Variants in COL24A1 observed in about 807,000 individuals in gnomAD.
The protein encoded by COL24A1 is collagen type XXIV alpha 1 chain.
Under a neutral mutation model 253.9 loss-of-function variants are expected in COL24A1, and 224 were observed. That is an observed-to-expected ratio of 0.88 (90% CI 0.79 to 0.99). The LOEUF is 0.99. COL24A1 is among the 50% of genes least tolerant of loss of function. The pLI is 0.00. For missense variants in COL24A1, 2,131 were observed against 2,068.5 expected (o/e 1.03, Z -0.59); for synonymous variants, 685 against 673.7 (o/e 1.02, Z -0.26).
rs187335201 is a variant in COL24A1 at position 85,887,615 on chromosome 1, A to G, written c.2976+1945T>C. Among the ~76,000 whole-genome samples the G allele has an allele frequency of 2.0e-4, 30 of 152,278 alleles. No homozygotes were observed. In the East Asian group the frequency reaches 4.2e-3, roughly 22 times the overall value. ...AGGGAATCGTTGTGGCTGTGTTTCA[A>G]TAAAATTTGATTTACAGAAGTATAA... On this transcript the variant is annotated intron_variant, in intron 32 of 59. Coordinates refer to ENST00000370571, the MANE Select transcript of COL24A1 (RefSeq NM_152890.7).
At chr1:85,779,192 G>A (rs1218593188) in intron 52 of COL24A1, among the ~76,000 whole-genome samples, 1 of 151,504 alleles carries the variant, frequency 6.6e-6, no homozygotes, top group Admixed American at 6.6e-5. Flanking sequence ...TATATGATGG[G>A]GGTCTCACTA....
At chr1:86,122,152 T>A (rs926195916) in intron 3 of COL24A1, among the ~76,000 whole-genome samples, 2 of 151,044 alleles carry the variant, frequency 1.3e-5, no homozygotes, top group Non-Finnish European at 1.5e-5. Flanking sequence ...GACTTCTTCA[T>A]CAAAATATCC....
intron 4 of COL24A1, among the ~76,000 whole-genome samples, chr1:86,114,344 C>G (rs2102176649): frequency 6.6e-6 from 1 of 152,288 alleles, no homozygotes; most frequent in South Asian, 2.1e-4. Flanking sequence ...GATGGAGATT[C>G]TGAACCTGAA....
chr1:86,150,225 C>T (rs1384944121), intron 1 of COL24A1, among the ~76,000 whole-genome samples: 19 of 152,158 alleles, frequency 1.2e-4, no homozygotes, highest in Admixed American at 1.2e-3. Context: ...ATGAATCTTT[C>T]CCCCACCTCT....
At chr1:86,111,540 C>T (rs1390904935) in intron 5 of COL24A1, among the ~76,000 whole-genome samples, 2 of 152,084 alleles carry the variant, frequency 1.3e-5, no homozygotes, top group Non-Finnish European at 2.9e-5. Context: ...GCGATCAGCT[C>T]TCTGTAAAAT....
chr1:85,983,575 T>A (rs1693448012), intron 20 of COL24A1, among the ~76,000 whole-genome samples: 1 of 152,038 alleles, frequency 6.6e-6, no homozygotes, highest in East Asian at 1.9e-4. Flanking sequence ...ACAGTGCACA[T>A]GATTTTCTCG....
At chr1:85,945,019 T>TTTTTTTTTTTTTTG (rs1689180506) in intron 24 of COL24A1, among the ~76,000 whole-genome samples, 6 of 73,362 alleles carry the variant, frequency 8.2e-5, no homozygotes, top group Non-Finnish European at 1.1e-4. Flanking sequence ...TTTTTTTTTT[T>TTTTTTTTTTTTTTG]TTTTTTTTTT....
chr1:86,040,594 A>G (rs1235265614), intron 12 of COL24A1, among the ~76,000 whole-genome samples: 1 of 151,602 alleles, frequency 6.6e-6, no homozygotes, highest in African/African-American at 2.4e-5. Flanking sequence ...ACTTCCTCCA[A>G]ATTATAACAT....
intron 5 of COL24A1, among the ~76,000 whole-genome samples, chr1:86,093,201 A>C (rs1703633186): frequency 6.6e-6 from 1 of 152,060 alleles, no homozygotes; most frequent in Non-Finnish European, 1.5e-5. Flanking sequence ...GAAATACCAA[A>C]AGAAAAGTCC....
chr1:85,861,144 T>C (rs1386017380), intron 37 of COL24A1, among the ~76,000 whole-genome samples: 2 of 152,212 alleles, frequency 1.3e-5, no homozygotes, highest in Admixed American at 6.5e-5. Context: ...CCAATTTCTC[T>C]ATATCCTCAT....
At chr1:85,782,650 G>A (rs1669256006) in intron 51 of COL24A1, among the ~76,000 whole-genome samples, 1 of 152,118 alleles carries the variant, frequency 6.6e-6, no homozygotes, top group African/African-American at 2.4e-5. Context: ...TTAGGAAAGC[G>A]GTATAGGATT....
chr1:85,847,830 T>C, intron 38 of COL24A1, 58 bp from the exon 39 acceptor site: 1 of 1,065,710 alleles, frequency 9.4e-7, no homozygotes, highest in South Asian at 1.3e-5. Flanking sequence ...TTAGATTAAT[T>C]AACTATATCA....
rs550310226 is a variant in COL24A1, at chr1:85,938,286, A to G, written c.2562+22963T>C. On this transcript the variant is annotated intron_variant, in intron 24 of 59. Coordinates refer to ENST00000370571, the MANE Select transcript of COL24A1 (RefSeq NM_152890.7). ...GGACTCTGTGCTTTCCATTCCCACA[A>G]AATGTGAGCTCTGCAGACATGGAGG... is the stretch of plus-strand genomic sequence containing the variant. 1.4e-5 allele frequency among the ~76,000 whole-genome samples: 2 copies of G among 147,078 alleles called. 1 individual carries two copies. Among genetic ancestry groups the G allele is most frequent in the South Asian group, 4.9e-4 (2 of 4,062 alleles).
At chr1:85,791,910 A>G (rs1050148256) in intron 47 of COL24A1, among the ~76,000 whole-genome samples, 1 of 152,186 alleles carries the variant, frequency 6.6e-6, no homozygotes, top group Admixed American at 6.5e-5. Flanking sequence ...ATAAAACAGA[A>G]ACAGCTGAAA....
chr1:85,952,919 A>G (rs920375073), intron 24 of COL24A1, among the ~76,000 whole-genome samples: 3 of 152,124 alleles, frequency 2.0e-5, no homozygotes, highest in Non-Finnish European at 2.9e-5. Flanking sequence ...CAGAACCACA[A>G]TGATTTTTCA....
At chr1:86,127,387 A>G (rs953873972) in intron 2 of COL24A1, among the ~76,000 whole-genome samples, 1 of 152,114 alleles carries the variant, frequency 6.6e-6, no homozygotes, top group African/African-American at 2.4e-5. Context: ...AAAACTGGAT[A>G]TGTCTGATTC....
At chr1:85,940,875 G>A (rs1241558620) in intron 24 of COL24A1, among the ~76,000 whole-genome samples, 1 of 152,150 alleles carries the variant, frequency 6.6e-6, no homozygotes, top group Non-Finnish European at 1.5e-5. Context: ...GTAAACTCAA[G>A]AATAGAAAGG....
chr1:86,043,731 T>C lies in COL24A1; in HGVS notation c.1950+3094A>G, dbSNP rs142265604. On this transcript the variant is annotated intron_variant, in intron 12 of 59. Transcript: ENST00000370571. ...TTAGTAGAGACAGGGTTTCACCATG[T>C]TGGCCAAGATGGTCTCGATCTCTTG... Among the ~76,000 whole-genome samples the C allele has an allele frequency of 9.0e-3, 1,363 of 152,246 alleles. 73 individuals are homozygous for C. In the East Asian group the frequency reaches 0.16, roughly 18 times the overall value.
At chr1:85,792,302 T>G (rs1445206821) in intron 47 of COL24A1, among the ~76,000 whole-genome samples, 2 of 151,924 alleles carry the variant, frequency 1.3e-5, no homozygotes, top group Non-Finnish European at 2.9e-5. Context: ...TTGAATATCA[T>G]CTATGCATAA....
Sources: gnomAD v4.1 joint callset for allele counts (sites outside exome capture counted in the v4.1 genomes callset) on GRCh38, gnomAD v4.1.1 for gene constraint, MANE v1.5 for transcripts, NCBI Gene and HGNC (gene_info 2026-07-23, HGNC 2026-07-21) for gene names.